The following MAPT variants were observed in gnomAD, a reference collection of about 807,000 sequenced individuals.
MAPT encodes the protein microtubule-associated protein tau.
In MAPT, 34 loss-of-function variants were observed where a neutral mutation model predicts 67.9. That is an observed-to-expected ratio of 0.50 (90% CI 0.38 to 0.67). The LOEUF (loss-of-function observed/expected upper bound fraction) is 0.67, where lower values mean the gene tolerates loss of function less well. Among genes scored for constraint, MAPT ranks in the 30% least tolerant of loss-of-function variants. The probability of loss-of-function intolerance (pLI) is 0.00; values close to 1 mark genes in which losing one functional copy is unlikely to be tolerated. For synonymous variants in MAPT, 456 were observed against 464.5 expected (o/e 0.98, Z 0.23); for missense variants, 881 against 1,115.2 (o/e 0.79, Z 2.99).
chr17:45,945,370 A>T (rs1322665714), intron 1 of MAPT, among the ~76,000 whole-genome samples: 1 of 152,244 alleles, frequency 6.6e-6, no homozygotes, highest in Non-Finnish European at 1.5e-5. Flanking sequence ...GGGATCGAAG[A>T]TGTAAAAGCC....
At chr17:45,990,411 C>T (rs948704820) in intron 7 of MAPT, 7 of 438,812 alleles carry the variant, frequency 1.6e-5, no homozygotes, top group African/African-American at 1.0e-4. Flanking sequence ...ATCAGGAGTT[C>T]GAGACCAGCC....
At chr17:45,972,074 G>A (rs112163425) in intron 3 of MAPT, 129 bp downstream of exon 3, 10 of 748,606 alleles carry the variant, frequency 1.3e-5, no homozygotes, top group African/African-American at 6.9e-5. Context: ...GTGCTTTGCA[G>A]GACAGCGTGG....
At chr17:46,016,505 C>T (rs1322692094) in intron 11 of MAPT, among the ~76,000 whole-genome samples, 1 of 152,222 alleles carries the variant, frequency 6.6e-6, no homozygotes, top group Non-Finnish European at 1.5e-5. Context: ...GGCGCGGTGG[C>T]TCATGCCTGT....
intron 1 of MAPT, among the ~76,000 whole-genome samples, chr17:45,956,171 C>A (rs563084027): frequency 6.6e-6 from 1 of 152,230 alleles, no homozygotes; most frequent in African/African-American, 2.4e-5. Context: ...GTGCCTTTGA[C>A]CTGCTCTGTC....
intron 1 of MAPT, among the ~76,000 whole-genome samples, chr17:45,951,691 C>T (rs2069098388): frequency 6.6e-6 from 1 of 152,094 alleles, no homozygotes; most frequent in Admixed American, 6.5e-5. Flanking sequence ...CCTTCCCCCA[C>T]CCCGCCCCCC....
chr17:45,968,077 C>T (rs2145407191), intron 2 of MAPT, among the ~76,000 whole-genome samples: 1 of 152,292 alleles, frequency 6.6e-6, no homozygotes, highest in East Asian at 1.9e-4. Flanking sequence ...GGCCCCAGAG[C>T]CATTCCTTAA....
chr17:45,923,201 T>A (rs2065929089), intron 1 of MAPT, among the ~76,000 whole-genome samples: 2 of 152,194 alleles, frequency 1.3e-5, no homozygotes, highest in Non-Finnish European at 2.9e-5. Flanking sequence ...GCTAAGTCTC[T>A]CCTTCTCTCC....
At chr17:46,023,854 A>T (rs747568419) in intron 12 of MAPT, 102 bp from the exon 13 acceptor site, 16 of 981,296 alleles carry the variant, frequency 1.6e-5, no homozygotes, top group Non-Finnish European at 1.8e-5. Flanking sequence ...AACAAACAAA[A>T]AACAGTCCCT....
chr17:46,013,351 T>C (rs1439327618), intron 10 of MAPT, among the ~76,000 whole-genome samples: 1 of 152,210 alleles, frequency 6.6e-6, no homozygotes, highest in African/African-American at 2.4e-5. Context: ...GACCTGTCTG[T>C]CTGCCACTGT....
chr17:45,970,918 C>G (rs971864764), intron 2 of MAPT, among the ~76,000 whole-genome samples: 1 of 152,232 alleles, frequency 6.6e-6, no homozygotes, highest in Non-Finnish European at 1.5e-5. Flanking sequence ...CAGGCTGTAT[C>G]TTCTGAGCAT....
At chr17:46,006,931 A>AAAAAT (rs1315009806) in intron 9 of MAPT, among the ~76,000 whole-genome samples, 18 of 150,046 alleles carry the variant, frequency 1.2e-4, no homozygotes, top group African/African-American at 4.4e-4. Context: ...TCAAAAAAAT[A>AAAAAT]AAAATAAAAT....
At chr17:45,951,213 G>A (rs986814101) in intron 1 of MAPT, among the ~76,000 whole-genome samples, 1 of 152,212 alleles carries the variant, frequency 6.6e-6, no homozygotes. Context: ...GGGGAGAAGG[G>A]GGAGCAGCTG....
At position 45,983,902 on chromosome 17, in the gene MAPT, G is replaced by T; in HGVS notation, c.1323G>T (p.Lys441Asn). 1 of 1,581,740 alleles carries T rather than the reference G, an allele frequency of 6.3e-7. No individual in the cohort carries two copies. Among genetic ancestry groups the T allele is most frequent in the Non-Finnish European group, 8.6e-7 (1 of 1,167,426 alleles). The change falls in exon 5 of 13, where the codon AAG becomes AAT. Residue 441 changes from lysine (K) to asparagine (N), a missense_variant. Coordinates refer to ENST00000262410, the MANE Select transcript of MAPT (RefSeq NM_001377265.1). ...AGCCTGCTGCTGCTCCGCGGGGGAA[G>T]CCCGTCAGCCGGGTCCCTCAACTCA... ...EKQPAAAPRG[K>N]PVSRVPQLKA...
intron 12 of MAPT, among the ~76,000 whole-genome samples, chr17:46,023,676 T>G (rs1023175432): frequency 2.6e-5 from 4 of 152,054 alleles, no homozygotes; most frequent in African/African-American, 9.7e-5. Context: ...CCCGTTTCTA[T>G]TAAAAATACA....
chr17:46,002,407 C>T (rs568661549), intron 9 of MAPT, among the ~76,000 whole-genome samples: 1 of 152,252 alleles, frequency 6.6e-6, no homozygotes, highest in African/African-American at 2.4e-5. Context: ...AGAAGTTGCT[C>T]ATGTGGGGCC....
chr17:46,010,291 T>A lies in MAPT; in HGVS notation c.1999-19T>A. On this transcript the variant is annotated intron_variant, in intron 9 of 12. Transcript: ENST00000262410. This position sits in a 1 kb window ranked among gnomAD's most constrained non-coding sequence, Gnocchi z 4.7. ...GTCCAGGGTGGCGTGTCACTCATCC[T>A]TTTTTCTGGCTACCAAAGGTGCAGA... 1 of 1,537,504 alleles carries A rather than the reference T, an allele frequency of 6.5e-7. No homozygotes were observed. The highest frequency in any genetic ancestry group is 8.8e-7 in the Non-Finnish European group (1 of 1,132,546).
chr17:46,012,960 T>C (rs969958445), intron 10 of MAPT, among the ~76,000 whole-genome samples: 1 of 152,266 alleles, frequency 6.6e-6, no homozygotes, highest in African/African-American at 2.4e-5. Flanking sequence ...ATGTCCGCCC[T>C]GACACACATG....
At position 45,917,860 on chromosome 17, in the gene MAPT, GC is replaced by G. The variant is rs2065342553; in HGVS notation, c.-18+23176del. 1.1e-4 allele frequency among the ~76,000 whole-genome samples: 17 copies of G among 151,158 alleles called. No homozygotes were observed. In the South Asian group the frequency reaches 3.4e-3, roughly 30 times the overall value. ...ACGATCTCAGTTCACTGCAACCTCC[GC>G]CTCCCGGGTTCAAGCGATTCTCATG... On this transcript the variant is annotated intron_variant, in intron 1 of 12. Transcript: ENST00000262410.
At chr17:45,905,152 G>T (rs2064218854) in intron 1 of MAPT, among the ~76,000 whole-genome samples, 1 of 152,172 alleles carries the variant, frequency 6.6e-6, no homozygotes, top group Non-Finnish European at 1.5e-5. Flanking sequence ...AGAAACGGAG[G>T]ATTTTGCAGA....
Sources: gnomAD v4.1 joint callset for allele counts (sites outside exome capture counted in the v4.1 genomes callset) on GRCh38, gnomAD v4.1.1 for gene constraint, Gnocchi (gnomAD v3.1) non-coding constraint, MANE v1.5 for transcripts, NCBI Gene and HGNC (gene_info 2026-07-23, HGNC 2026-07-21) for gene names.